NMRK1: variants seen among roughly 807,000 people sequenced by gnomAD.
NMRK1 encodes the protein nicotinamide riboside kinase 1.
NMRK1 carries 28 observed loss-of-function variants against 29.9 expected under a neutral mutation model. The observed-to-expected ratio is 0.94, with a 90% CI of 0.69 to 1.28. The LOEUF (loss-of-function observed/expected upper bound fraction) is 1.28, where lower values mean the gene tolerates loss of function less well. Among genes scored for constraint, NMRK1 ranks in the 50% most tolerant of loss-of-function variants. The pLI is 0.00. For missense variants in NMRK1, 218 were observed against 233.1 expected (o/e 0.94, Z 0.42); for synonymous variants, 58 against 73.0 (o/e 0.79, Z 1.05).
chr9:75,088,064 G>A lies in NMRK1; in HGVS notation c.-92C>T, dbSNP rs1468634225. On this transcript the variant is annotated 5_prime_UTR_variant, in exon 1 of 9. Coordinates refer to ENST00000361092, the MANE Select transcript of NMRK1 (RefSeq NM_017881.3). ...CGGCAGAGGCGACAGCCAAGCGCGC[G>A]CCTGTACCCAGTGCGCCGCTACCCG... 2 of 152,664 alleles carry A rather than the reference G, an allele frequency of 1.3e-5. No homozygotes were observed. The highest frequency in any genetic ancestry group is 2.9e-5 in the Non-Finnish European group (2 of 68,438). 9.5% of individuals were successfully genotyped at this position (152,664 alleles called of 1,614,324 possible).
At chr9:75,064,426 C>T (rs1230679443) in intron 8 of NMRK1, among the ~76,000 whole-genome samples, 2 of 152,176 alleles carry the variant, frequency 1.3e-5, no homozygotes, top group East Asian at 1.9e-4. Flanking sequence ...TTTATGAAGG[C>T]TGAGCCCCTC....
chr9:75,087,968 G>GGCGGC (rs201786214), intron 1 of NMRK1, 40 bp downstream of exon 1: 3,000 of 153,876 alleles, frequency 0.019, 43 homozygotes, highest in Admixed American at 0.046. Flanking sequence ...GCCCCAGCAA[G>GGCGGC]GCGGCGCGGC....
intron 4 of NMRK1, among the ~76,000 whole-genome samples, chr9:75,074,681 C>A (rs1196008265): frequency 6.6e-6 from 1 of 152,210 alleles, no homozygotes; most frequent in East Asian, 1.9e-4. Flanking sequence ...AGCCACCACA[C>A]CCGGCCATCC....
chr9:75,082,863 G>A (rs1824396374), intron 2 of NMRK1: 1 of 531,434 alleles, frequency 1.9e-6, no homozygotes, highest in Non-Finnish European at 3.3e-6. Flanking sequence ...GGGAAAGTGG[G>A]TAAATGTGGT....
chr9:75,077,757 TC>T (rs1232359706), intron 2 of NMRK1, among the ~76,000 whole-genome samples, 177 bp from the exon 3 acceptor site: 1 of 151,982 alleles, frequency 6.6e-6, no homozygotes, highest in African/African-American at 2.4e-5. Flanking sequence ...TGCCTCAGCC[TC>T]CCGAGGAGCT....
chr9:75,087,537 A>G (rs1434214595), intron 1 of NMRK1: 1 of 152,134 alleles, frequency 6.6e-6, no homozygotes, highest in Non-Finnish European at 1.5e-5. Context: ...TTTTACGGAC[A>G]CTGAAATCGT....
At position 75,069,749 on chromosome 9, in the gene NMRK1, T is replaced by C. The variant is rs1175133563; in HGVS notation, c.382A>G (p.Arg128Gly). Residue 128 changes from arginine to glycine, a missense_variant, in exon 6 of 9, where the codon AGG becomes GGG. Physicochemically the swap from Arg to Gly is moderately radical, Grantham distance 125. Coordinates refer to ENST00000361092, the MANE Select transcript of NMRK1 (RefSeq NM_017881.3). ...GATGGCTTCAAAACTTACCTCCTCC[T>C]CCTTTTACATTCTTCATATGGAATA... ...LTIPYEECKR[R>G]RSTRVYQPPD... 1 of 1,610,242 alleles carries C rather than the reference T, an allele frequency of 6.2e-7. No individual in the cohort carries two copies. The highest frequency in any genetic ancestry group is 8.5e-7 in the Non-Finnish European group (1 of 1,178,284).
intron 4 of NMRK1, among the ~76,000 whole-genome samples, chr9:75,075,271 T>A (rs1169151033): frequency 6.6e-6 from 1 of 152,244 alleles, no homozygotes; most frequent in Non-Finnish European, 1.5e-5. Flanking sequence ...TCTTTTCCAA[T>A]TGTTGAAAAC....
chr9:75,080,574 C>T (rs570698381), intron 2 of NMRK1, among the ~76,000 whole-genome samples: 1 of 152,290 alleles, frequency 6.6e-6, no homozygotes, highest in Non-Finnish European at 1.5e-5. Context: ...ATCGCTTGAA[C>T]CCAGGAGGCG....
chr9:75,073,490 G>A (rs771767223), intron 4 of NMRK1, among the ~76,000 whole-genome samples: 1 of 152,156 alleles, frequency 6.6e-6, no homozygotes, highest in Admixed American at 6.5e-5. Flanking sequence ...CTGTATCCCA[G>A]TACTTTGGGA....
At chr9:75,067,750 G>A (rs575757100) in intron 7 of NMRK1, among the ~76,000 whole-genome samples, 39 of 152,218 alleles carry the variant, frequency 2.6e-4, no homozygotes, top group African/African-American at 9.2e-4. Flanking sequence ...CAAGTTGGAC[G>A]TGGTGCAGCC....
intron 2 of NMRK1, among the ~76,000 whole-genome samples, chr9:75,079,651 T>C (rs893453387): frequency 4.6e-5 from 7 of 151,868 alleles, no homozygotes; most frequent in Admixed American, 6.6e-5. Context: ...GCACCTAAGA[T>C]CCACACTCAG....
At chr9:75,083,012 C>T (rs1228711365) in intron 2 of NMRK1, 75 bp downstream of exon 2, 6 of 1,062,022 alleles carry the variant, frequency 5.6e-6, no homozygotes, top group South Asian at 1.3e-5. Context: ...TCTCCGTCCC[C>T]CACTCCATCC....
At chr9:75,065,469 G>T (rs1205477317) in intron 8 of NMRK1, among the ~76,000 whole-genome samples, 1 of 151,850 alleles carries the variant, frequency 6.6e-6, no homozygotes, top group East Asian at 1.9e-4. Context: ...GTGCTTGGTA[G>T]CTAATTTTTA....
At chr9:75,078,635 C>G (rs746942928) in intron 2 of NMRK1, 79 of 988,952 alleles carry the variant, frequency 8.0e-5, no homozygotes, top group Non-Finnish European at 9.6e-5. Context: ...AAAATTATAC[C>G]TTTATTTTCA....
chr9:75,068,953 T>C (rs1486453063), intron 7 of NMRK1, 43 bp downstream of exon 7: 14 of 1,339,026 alleles, frequency 1.0e-5, no homozygotes, highest in African/African-American at 1.5e-5. Flanking sequence ...TTGAGGCAAA[T>C]GACAAGTAAA....
At chr9:75,066,950 C>A (rs552294934) in intron 7 of NMRK1, 110 bp from the exon 8 acceptor site, 1 of 643,684 alleles carries the variant, frequency 1.6e-6, no homozygotes, top group Non-Finnish European at 2.8e-6. Context: ...AACCAAGGCA[C>A]CCAGGACCAT....
At chr9:75,085,482 A>G (rs772451846) in intron 1 of NMRK1, among the ~76,000 whole-genome samples, 4 of 152,170 alleles carry the variant, frequency 2.6e-5, no homozygotes, top group Non-Finnish European at 4.4e-5. Context: ...TTACTGATGT[A>G]TTATTGATGG....
At chr9:75,069,179 T>TG in intron 6 of NMRK1, 77 bp from the exon 7 acceptor site, 2 of 1,027,288 alleles carry the variant, frequency 1.9e-6, no homozygotes, top group Non-Finnish European at 3.0e-6. Context: ...GTCAGGATAA[T>TG]GGGGAAATCA....
Sources: allele counts gnomAD v4.1 joint callset (sites outside exome capture counted in the v4.1 genomes callset), GRCh38; gene constraint gnomAD v4.1.1; transcripts MANE v1.5; gene names NCBI Gene and HGNC (gene_info 2026-07-23, HGNC 2026-07-21).